The following CAPS2 variants were observed in gnomAD, a reference collection of about 807,000 sequenced individuals.
CAPS2 encodes calcyphosin-2.
In CAPS2, 98 loss-of-function variants were observed where a neutral mutation model predicts 86.5. The observed-to-expected ratio is 1.13, with a 90% CI of 0.96 to 1.34. The LOEUF (loss-of-function observed/expected upper bound fraction) is 1.34, where lower values mean the gene tolerates loss of function less well. CAPS2 is among the 40% of genes most tolerant of loss of function. CAPS2 has a pLI of 0.00. For synonymous variants in CAPS2, 210 were observed against 225.1 expected (o/e 0.93, Z 0.60); for missense variants, 729 against 686.8 (o/e 1.06, Z -0.69).
In CAPS2 at chr12:75,325,622, T is replaced by C. The variant is rs556451728; in HGVS notation, c.82-334A>G. ...TTTAGGAAGCTTGTTTTTTTTTGTT[T>C]GTTTTTTTGTTTGTTTGTTTTGTTT... On this transcript the variant is annotated intron_variant, in intron 1 of 16. Transcript: ENST00000393284. Among the ~76,000 whole-genome samples, 7 of 152,264 alleles carry C rather than the reference T, an allele frequency of 4.6e-5. No homozygotes were observed. In the East Asian group the frequency reaches 1.3e-3, roughly 29 times the overall value.
intron 5 of CAPS2, among the ~76,000 whole-genome samples, chr12:75,318,440 C>T (rs35635311): frequency 0.035 from 5,264 of 152,178 alleles, 131 homozygotes; most frequent in South Asian, 0.059. Flanking sequence ...CCTTGGCTTG[C>T]GTGGCGTCCC....
chr12:75,296,688 GA>G (rs2036950676), intron 11 of CAPS2, among the ~76,000 whole-genome samples: 1 of 152,014 alleles, frequency 6.6e-6, no homozygotes, highest in South Asian at 2.1e-4. Context: ...GGAGTGTTTA[GA>G]AAGACTTAAT....
At chr12:75,337,839 CTTCT>C (rs1593646690) in intron 1 of CAPS2, among the ~76,000 whole-genome samples, 1 of 151,762 alleles carries the variant, frequency 6.6e-6, no homozygotes, top group Non-Finnish European at 1.5e-5. Flanking sequence ...CGACTATTGT[CTTCT>C]TTGTCTTGTA....
At chr12:75,307,885 G>C (rs1431867202) in intron 7 of CAPS2, among the ~76,000 whole-genome samples, 2 of 152,124 alleles carry the variant, frequency 1.3e-5, no homozygotes, top group African/African-American at 2.4e-5. Flanking sequence ...TTTTAAGGCA[G>C]AAGAATAGGG....
In CAPS2 at chr12:75,280,552, G is replaced by A. The variant is rs913572057; in HGVS notation, c.1613-1487C>T. Among the ~76,000 whole-genome samples, 5 of 151,470 alleles carry A rather than the reference G, an allele frequency of 3.3e-5. No individual in the cohort carries two copies. The South Asian group carries it at 8.3e-4, about 25-fold the overall frequency. The stretch of plus-strand genomic sequence containing the variant: ...AGCAACCTAAATAATATTATTAGAT[G>A]AGAAAAGAGAAAGAAAAAAATACAT... On this transcript the variant is annotated intron_variant, in intron 16 of 16. Transcript: ENST00000393284.
intron 5 of CAPS2, among the ~76,000 whole-genome samples, chr12:75,317,586 A>G (rs1201750942): frequency 6.6e-6 from 1 of 152,128 alleles, no homozygotes; most frequent in Non-Finnish European, 1.5e-5. Flanking sequence ...ACCTTCCAAA[A>G]TCAGACTTCC....
intron 12 of CAPS2, among the ~76,000 whole-genome samples, chr12:75,292,986 T>A (rs2036264123): frequency 6.6e-6 from 1 of 151,828 alleles, no homozygotes; most frequent in Non-Finnish European, 1.5e-5. Flanking sequence ...AATAAAAGTG[T>A]TATAGCAAAG....
At chr12:75,374,007 C>T (rs1318385264) in intron 1 of CAPS2, 3 of 152,226 alleles carry the variant, frequency 2.0e-5, no homozygotes, top group Non-Finnish European at 4.4e-5. Flanking sequence ...TCAGTTTCTA[C>T]TAAAGCCCAC....
At chr12:75,277,878 A>G (rs377413363) in exon 17 of CAPS2, 1 of 880,232 alleles carries the variant, frequency 1.1e-6, no homozygotes, top group Non-Finnish European at 1.4e-6. Flanking sequence ...AAGAATTTAG[A>G]AAGAATGATT....
At chr12:75,334,672 C>T, upstream of CAPS2, 1 of 1,572,666 alleles carries the variant, frequency 6.4e-7, no homozygotes, top group Non-Finnish European at 8.6e-7. Flanking sequence ...ATCGGGTTGC[C>T]CCAGCCGTTA....
chr12:75,390,313 C>T (rs1487324179), intron 1 of CAPS2: 5 of 456,068 alleles, frequency 1.1e-5, no homozygotes, highest in Non-Finnish European at 1.3e-5. Context: ...CAAAAGAGTT[C>T]GTTCTTACTG....
At chr12:75,316,017 G>A (rs938027059) in intron 6 of CAPS2, among the ~76,000 whole-genome samples, 1 of 152,044 alleles carries the variant, frequency 6.6e-6, no homozygotes, top group South Asian at 2.1e-4. Context: ...CTGCTTTTTT[G>A]GGGGAGGGGG....
At chr12:75,311,701 A>G (rs201644259) in intron 7 of CAPS2, among the ~76,000 whole-genome samples, 9 of 14,064 alleles carry the variant, frequency 6.4e-4, no homozygotes, top group Admixed American at 1.1e-3. Flanking sequence ...GCCATGCAGG[A>G]AAAAAAAAAA....
At chr12:75,333,748 T>C (rs973213258), upstream of CAPS2, 5 of 152,198 alleles carry the variant, frequency 3.3e-5, no homozygotes, top group Middle Eastern at 3.2e-3. Flanking sequence ...ATTCAGCAGA[T>C]GTAAGTACGT....
chr12:75,301,816 T>C (rs1269328689), intron 8 of CAPS2, among the ~76,000 whole-genome samples: 3 of 152,210 alleles, frequency 2.0e-5, no homozygotes, highest in African/African-American at 7.2e-5. Context: ...AATATGTATT[T>C]ACATTATAAA....
rs1477136546 is a variant in CAPS2 at position 75,381,410 on chromosome 12, C to T, written c.-395+9428G>A. Among the ~76,000 whole-genome samples, 9 of 151,980 alleles carry T rather than the reference C, an allele frequency of 5.9e-5. No individual in the cohort carries two copies. The East Asian group carries it at 1.5e-3, about 26-fold the overall frequency. On this transcript the variant is annotated intron_variant, in intron 1 of 5. Coordinates refer to the CAPS2 transcript ENST00000551829. ...GAAAACAAACTAATACAGCGACAAA[C>T]GATACTTTAGTTCCAGAGGTCCAAA... is the stretch of plus-strand genomic sequence containing the variant.
chr12:75,363,140 A>C lies in CAPS2; in HGVS notation c.-395+27698T>G, dbSNP rs757536059. The stretch of plus-strand genomic sequence containing the variant: ...AATATGCCTCCTTACGTAAGAGGAG[A>C]ATCTTGCTCTCTCTGCTCAAAAGAA... On this transcript the variant is annotated intron_variant, in intron 1 of 5. Transcript: ENST00000551829. 14 of 1,558,114 alleles carry C rather than the reference A, an allele frequency of 9.0e-6. No individual in the cohort carries two copies. The highest frequency in any genetic ancestry group is 2.1e-5 in the Admixed American group (1 of 48,306).
At chr12:75,390,204 T>A in intron 1 of CAPS2, 1 of 393,376 alleles carries the variant, frequency 2.5e-6, no homozygotes, top group South Asian at 1.9e-5. Context: ...CAAGTTGGTT[T>A]TGTTTTGTTT....
chr12:75,279,055 T>A, exon 17 of CAPS2: 1 of 1,592,270 alleles, frequency 6.3e-7, no homozygotes. Context: ...TTTCTTCCTC[T>A]GTTGAATGGC....
Sources: gnomAD v4.1 joint callset for allele counts (sites outside exome capture counted in the v4.1 genomes callset) on GRCh38, gnomAD v4.1.1 for gene constraint, MANE v1.5 for transcripts, NCBI Gene and HGNC (gene_info 2026-07-23, HGNC 2026-07-21) for gene names.